Variants in ESRP1 observed in about 807,000 individuals in gnomAD.
The protein encoded by ESRP1 is epithelial splicing regulatory protein 1, also known as RNA-binding motif protein 35A.
In ESRP1, 33 loss-of-function variants were observed where a neutral mutation model predicts 81.7. That is an observed-to-expected ratio of 0.40 (90% CI 0.31 to 0.54). ESRP1 has a LOEUF of 0.54. Among genes scored for constraint, ESRP1 ranks in the 20% least tolerant of loss-of-function variants. The pLI, the probability that ESRP1 is intolerant of heterozygous loss-of-function variation, is 0.41. For missense variants in ESRP1, 672 were observed against 833.1 expected (o/e 0.81, Z 2.38); for synonymous variants, 320 against 303.3 (o/e 1.06, Z -0.57).
chr8:94,682,637 G>T (rs1319079002), intron 13 of ESRP1, among the ~76,000 whole-genome samples: 1 of 88,846 alleles, frequency 1.1e-5, no homozygotes, highest in South Asian at 5.4e-4. Flanking sequence ...AATGTGCTGG[G>T]ATTACAGGTG....
chr8:94,702,458 CTG>C (rs973091359), intron 15 of ESRP1, among the ~76,000 whole-genome samples: 11 of 152,078 alleles, frequency 7.2e-5, no homozygotes, highest in African/African-American at 2.7e-4. Flanking sequence ...AATATAAAAA[CTG>C]TATTTGATCA....
chr8:94,655,064 T>TG lies in ESRP1; in HGVS notation c.491-7208_491-7207insG, dbSNP rs774507900. 3.3e-3 allele frequency among the ~76,000 whole-genome samples: 429 copies of TG among 129,620 alleles called. 2 individuals are homozygous for TG. Among genetic ancestry groups the TG allele is most frequent in the African/African-American group, 7.8e-3 (308 of 39,442 alleles). 85.0% of individuals were successfully genotyped at this position (129,620 alleles called of 152,430 possible). On this transcript the variant is annotated intron_variant, in intron 4 of 15. Transcript: ENST00000433389. Reference sequence around the variant, plus strand: ...TGTGTCTGTGAGGTTTTTTGGGTTTTTTGTGTGTGTGTGTGTGTGTGTGTT... The same window carrying TG: ...TGTGTCTGTGAGGTTTTTTGGGTTTTGTTGTGTGTGTGTGTGTGTGTGTGTT...
chr8:94,643,116 A>G (rs1357554569), intron 2 of ESRP1, among the ~76,000 whole-genome samples, 187 bp from the exon 3 acceptor site: 3 of 152,172 alleles, frequency 2.0e-5, no homozygotes, highest in Non-Finnish European at 4.4e-5. Flanking sequence ...ATTGATTGGA[A>G]AGCTTCCCTA....
chr8:94,675,662 T>C (rs1819553627), intron 12 of ESRP1, among the ~76,000 whole-genome samples: 1 of 152,238 alleles, frequency 6.6e-6, no homozygotes, highest in African/African-American at 2.4e-5. Context: ...TTTTACGATA[T>C]CCTTTAGTGA....
chr8:94,641,212 T>G lies in ESRP1; in HGVS notation c.-107T>G. On this transcript the variant is annotated 5_prime_UTR_variant, in exon 1 of 16. Transcript: ENST00000433389. ...AGTAGCAAGGAAGGGGGGTGGGCGC[T>G]CTTTCTTTTTCTCTTAGAAGAGGGT... 9.2e-7 allele frequency: 1 copy of G among 1,086,974 alleles called. No individual in the cohort carries two copies. 67.3% of individuals were successfully genotyped at this position (1,086,974 alleles called of 1,614,324 possible).
chr8:94,706,156 G>GCA lies in ESRP1; in HGVS notation c.*268_*269dup. Reference sequence around the variant, plus strand: ...CTGGCTCTTTGCTGATTGCAAATAGGCATTTAAAATGTGAATTTGGAATCA... The same window carrying GCA: ...CTGGCTCTTTGCTGATTGCAAATAGGCACATTTAAAATGTGAATTTGGAATCA... On this transcript the variant is annotated 3_prime_UTR_variant, in exon 16 of 16. Transcript: ENST00000433389. 1 of 515,510 alleles carries GCA rather than the reference G, an allele frequency of 1.9e-6. No individual in the cohort carries two copies. Among genetic ancestry groups the GCA allele is most frequent in the East Asian group, 3.1e-5 (1 of 31,834 alleles). The allele number at this position is 515,510 out of a possible 1,614,324, so 31.9% of individuals were successfully genotyped here.
intron 1 of ESRP1, 45 bp from the exon 2 acceptor site, chr8:94,641,911 C>T (rs1193504920): frequency 6.2e-7 from 1 of 1,605,450 alleles, no homozygotes; most frequent in Non-Finnish European, 8.5e-7. Flanking sequence ...CAGAAAGAGG[C>T]TCCGAAATTG....
At chr8:94,654,682 G>A (rs1818310923) in intron 4 of ESRP1, among the ~76,000 whole-genome samples, 1 of 151,942 alleles carries the variant, frequency 6.6e-6, no homozygotes. Flanking sequence ...ACCACTTTGG[G>A]AAGCTAAGGC....
intron 13 of ESRP1, 26 bp from the exon 14 acceptor site, chr8:94,692,651 G>T (rs1391461406): frequency 6.2e-6 from 10 of 1,608,466 alleles, no homozygotes; most frequent in Non-Finnish European, 8.5e-6. Context: ...ATTCCTATTG[G>T]TTCACTGTGC....
chr8:94,649,613 A>T (rs535583457), intron 4 of ESRP1: 19 of 152,440 alleles, frequency 1.2e-4, no homozygotes, highest in African/African-American at 4.6e-4. Context: ...CCTGGGTTCA[A>T]GCGATTCTCC....
At position 94,641,281 on chromosome 8, in the gene ESRP1, C is replaced by T; in HGVS notation, c.-38C>T. ...TTCTCACTTCCACACCACCTTACCG[C>T]CTCCCGACCCCCCCTCTCCCCCTCC... On this transcript the variant is annotated 5_prime_UTR_variant, in exon 1 of 16. Coordinates refer to ENST00000433389, the MANE Select transcript of ESRP1 (RefSeq NM_017697.4). 6.3e-7 allele frequency: 1 copy of T among 1,581,002 alleles called. No individual in the cohort carries two copies. The highest frequency in any genetic ancestry group is 1.7e-5 in the Admixed American group (1 of 58,542).
intron 15 of ESRP1, among the ~76,000 whole-genome samples, chr8:94,700,837 G>A (rs1809795309): frequency 6.6e-6 from 1 of 152,064 alleles, no homozygotes; most frequent in South Asian, 2.1e-4. Flanking sequence ...GCTGGGGCAG[G>A]AGAATGGCAT....
At chr8:94,691,486 G>C (rs971546695) in intron 13 of ESRP1, among the ~76,000 whole-genome samples, 2 of 152,192 alleles carry the variant, frequency 1.3e-5, no homozygotes, top group Non-Finnish European at 2.9e-5. Context: ...GAAGTAATTT[G>C]ATATGTTAAG....
chr8:94,646,973 G>T (rs760925402), intron 4 of ESRP1, among the ~76,000 whole-genome samples: 21 of 152,308 alleles, frequency 1.4e-4, no homozygotes, highest in Middle Eastern at 3.4e-3. Flanking sequence ...CAGATGTAAA[G>T]TTGAGTAATT....
chr8:94,665,463 A>C (rs1029632948), intron 9 of ESRP1, among the ~76,000 whole-genome samples: 1 of 152,098 alleles, frequency 6.6e-6, no homozygotes, highest in Non-Finnish European at 1.5e-5. Flanking sequence ...GGTGATATGA[A>C]GTTGTATGCA....
At chr8:94,646,544 G>A (rs950532301) in intron 4 of ESRP1, 2 of 285,666 alleles carry the variant, frequency 7.0e-6, no homozygotes, top group African/African-American at 2.2e-5. Flanking sequence ...TTTCAGCTGT[G>A]TAATGTGTGT....
chr8:94,683,457 T>C (rs566759768), intron 13 of ESRP1, among the ~76,000 whole-genome samples: 20 of 152,330 alleles, frequency 1.3e-4, no homozygotes, highest in African/African-American at 4.1e-4. Context: ...CATGCAGTTG[T>C]AACAAATAAT....
At chr8:94,653,578 T>G (rs1373808428) in intron 4 of ESRP1, among the ~76,000 whole-genome samples, 1 of 152,214 alleles carries the variant, frequency 6.6e-6, no homozygotes, top group Non-Finnish European at 1.5e-5. Flanking sequence ...TAAAACCTTA[T>G]GTAAACCATT....
chr8:94,699,286 G>A (rs985678701), intron 15 of ESRP1, among the ~76,000 whole-genome samples: 2 of 151,968 alleles, frequency 1.3e-5, no homozygotes, highest in Admixed American at 1.3e-4. Flanking sequence ...AAATCCAGAT[G>A]TCTGCATCTT....
Sources: allele counts gnomAD v4.1 joint callset (sites outside exome capture counted in the v4.1 genomes callset), GRCh38; gene constraint gnomAD v4.1.1; transcripts MANE v1.5; gene names NCBI Gene and HGNC (gene_info 2026-07-23, HGNC 2026-07-21).